The following PSMC1 variants were observed in gnomAD, a reference collection of about 807,000 sequenced individuals.
PSMC1 encodes 26S proteasome regulatory subunit 4.
A neutral mutation model predicts 49.8 loss-of-function variants in PSMC1; 5 were observed. The ratio of observed to expected loss-of-function variants is 0.10; its 90% confidence interval spans 0.05 to 0.21. The LOEUF (loss-of-function observed/expected upper bound fraction) is 0.21, where lower values mean the gene tolerates loss of function less well. PSMC1 is among the 10% of genes least tolerant of loss of function. PSMC1 has a pLI of 1.00. For synonymous variants in PSMC1, 155 were observed against 192.1 expected (o/e 0.81, Z 1.60); for missense variants, 181 against 535.7 (o/e 0.34, Z 6.54).
At chr14:90,269,888 G>T (rs1381183286) in intron 9 of PSMC1, 2 of 376,042 alleles carry the variant, frequency 5.3e-6, no homozygotes, top group African/African-American at 4.1e-5. Context: ...AGAAGAAACA[G>T]TGATTTGTTT....
intron 7 of PSMC1, among the ~76,000 whole-genome samples, chr14:90,267,162 C>CTCTG (rs1427197810): frequency 1.3e-5 from 2 of 150,028 alleles, no homozygotes; most frequent in Non-Finnish European, 3.0e-5. Flanking sequence ...CGGAGTCTTG[C>CTCTG]TCTGTCGCCC....
Position 90,272,381 on chromosome 14 carries a change from G to A in PSMC1, c.1297G>A (p.Gly433Ser). 2 of 1,577,920 alleles carry A rather than the reference G, an allele frequency of 1.3e-6. No individual in the cohort carries two copies. The highest frequency in any genetic ancestry group is 1.7e-6 in the Non-Finnish European group (2 of 1,160,656). Residue 433 changes from glycine to serine, a missense_variant, in exon 11 of 11, where the codon GGC becomes AGC. Gly to Ser is a moderately conservative substitution (Grantham distance 56). Transcript: ENST00000261303. The surrounding 1 kb of genome is among the most constrained non-coding windows in gnomAD (Gnocchi z 4.5). ...KENVLYKKQE[G>S]TPEGLYL ...AAATGTTCTTTATAAGAAACAGGAAGGCACCCCTGAGGGGCTGTATCTCTA... is the reference window on the plus strand; with the variant it reads ...AAATGTTCTTTATAAGAAACAGGAAAGCACCCCTGAGGGGCTGTATCTCTA...
rs1040003939 is a variant in PSMC1 at position 90,273,447 on chromosome 14, A to T, written c.*1040A>T. ...GTGGCAGGTGCCTGTAGTCCCAGCT[A>T]CTCAGGAGGCTGAGGCAGGACAATC... On this transcript the variant is annotated 3_prime_UTR_variant, in exon 11 of 11. Transcript: ENST00000261303. The T allele has an allele frequency of 6.6e-6, 1 of 152,198 alleles. No homozygotes were observed. Among genetic ancestry groups the T allele is most frequent in the Non-Finnish European group, 1.5e-5 (1 of 68,080 alleles). 9.4% of individuals were successfully genotyped at this position (152,198 alleles called of 1,614,324 possible). A position where few individuals can be genotyped will look rare whatever the true frequency, so the allele number is the denominator to read the frequency against.
At position 90,274,840 on chromosome 14, in the gene PSMC1, C is replaced by CACACACA. The variant is rs1891768392; in HGVS notation, c.*2433_*2434insACACACA. On this transcript the variant is annotated 3_prime_UTR_variant, in exon 11 of 11. Coordinates refer to ENST00000261303, the MANE Select transcript of PSMC1 (RefSeq NM_002802.3). ...CACACACACACACACACACACACAC[C>CACACACA]CCAATACATATGAATTGATCTGAAA... 9.1e-6 allele frequency: 1 copy of CACACACA among 110,052 alleles called. No homozygotes were observed. Among genetic ancestry groups the CACACACA allele is most frequent in the African/African-American group, 3.5e-5 (1 of 28,574 alleles). The allele number at this position is 110,052 out of a possible 1,614,324, so 6.8% of individuals were successfully genotyped here.
intron 8 of PSMC1, 54 bp from the exon 9 acceptor site, chr14:90,269,343 C>T: frequency 3.3e-6 from 5 of 1,503,978 alleles, no homozygotes; most frequent in East Asian, 2.3e-5. Flanking sequence ...TGTAATTCCC[C>T]TTGAGCAGGC....
intron 7 of PSMC1, among the ~76,000 whole-genome samples, chr14:90,266,455 T>C (rs1413395549): frequency 6.6e-6 from 1 of 152,210 alleles, no homozygotes; most frequent in Non-Finnish European, 1.5e-5. Flanking sequence ...GGCCGAGAGC[T>C]AGAAGAGATC....
Position 90,273,921 on chromosome 14 carries a change from G to C in PSMC1, c.*1514G>C, listed in dbSNP as rs1405835571. The stretch of plus-strand genomic sequence containing the variant: ...GCCTTTTCTATTCTTATGGATCCTT[G>C]TGATTGCATTGGACCCATGCAGATG... On this transcript the variant is annotated 3_prime_UTR_variant, in exon 11 of 11. Coordinates refer to ENST00000261303, the MANE Select transcript of PSMC1 (RefSeq NM_002802.3). The C allele has an allele frequency of 6.5e-6, 1 of 154,862 alleles. No individual in the cohort carries two copies. Among genetic ancestry groups the C allele is most frequent in the Non-Finnish European group, 1.5e-5 (1 of 68,244 alleles). The allele number at this position is 154,862 out of a possible 1,614,324, so 9.6% of individuals were successfully genotyped here. A position where few individuals can be genotyped will look rare whatever the true frequency, so the allele number is the denominator to read the frequency against.
Position 90,272,018 on chromosome 14 carries a change from G to A in PSMC1, c.1189-255G>A, listed in dbSNP as rs571485718. ...AGCAATTCTCCTGCCTCAGCCTCCC[G>A]AGTAGCTAGGATTACAGGTGCCTGC... is the stretch of plus-strand genomic sequence containing the variant. On this transcript the variant is annotated intron_variant, in intron 10 of 10. Transcript: ENST00000261303. This position sits in a 1 kb window ranked among gnomAD's most constrained non-coding sequence, Gnocchi z 4.5. 1.8e-4 allele frequency: 51 copies of A among 288,432 alleles called. No individual in the cohort carries two copies. The highest frequency in any genetic ancestry group is 9.7e-4 in the African/African-American group (42 of 43,166). 17.9% of individuals were successfully genotyped at this position (288,432 alleles called of 1,614,324 possible). A position where few individuals can be genotyped will look rare whatever the true frequency, so the allele number is the denominator to read the frequency against.
At chr14:90,270,384 G>A in intron 10 of PSMC1, 32 bp downstream of exon 10, 1 of 1,598,940 alleles carries the variant, frequency 6.3e-7, no homozygotes, top group Non-Finnish European at 8.5e-7. Context: ...CTTATTTCTG[G>A]GAATGTGGCC....
At chr14:90,264,477 C>T (rs1018504920) in intron 6 of PSMC1, among the ~76,000 whole-genome samples, 1 of 152,212 alleles carries the variant, frequency 6.6e-6, no homozygotes, top group African/African-American at 2.4e-5. Context: ...ATCTGGAAGC[C>T]TCCAGTGCTT....
chr14:90,261,365 G>T (rs576601563), intron 3 of PSMC1, among the ~76,000 whole-genome samples: 2 of 152,314 alleles, frequency 1.3e-5, no homozygotes, highest in African/African-American at 4.8e-5. Flanking sequence ...ATATTGTTCA[G>T]TTAATTGAAG....
intron 9 of PSMC1, 156 bp from the exon 10 acceptor site, chr14:90,270,042 A>G: frequency 1.3e-6 from 1 of 751,230 alleles, no homozygotes; most frequent in East Asian, 2.8e-5. Context: ...TACAAACTAC[A>G]AAAATATATG....
chr14:90,258,136 A>G (rs74080695), intron 1 of PSMC1, among the ~76,000 whole-genome samples: 2,194 of 152,240 alleles, frequency 0.014, 53 homozygotes, highest in African/African-American at 0.05. Context: ...TCCTGGCTCC[A>G]TCTCTGACAA....
intron 9 of PSMC1, chr14:90,269,766 G>T (rs1891614712): frequency 6.6e-6 from 3 of 454,930 alleles, no homozygotes. Context: ...CTTATGTCTT[G>T]TCTTTTCTTT....
Position 90,263,462 on chromosome 14 carries a change from T to A in PSMC1, c.279+20T>A, listed in dbSNP as rs1286619500. 6.4e-7 allele frequency: 1 copy of A among 1,556,722 alleles called. No homozygotes were observed. The highest frequency in any genetic ancestry group is 8.7e-7 in the Non-Finnish European group (1 of 1,154,024). ...CAAGAGGTAAGTTGAAAAGTTACTA[T>A]CATTTTCTTTTTTACAAATTGAATT... On this transcript the variant is annotated intron_variant, in intron 4 of 10. Transcript: ENST00000261303.
intron 1 of PSMC1, among the ~76,000 whole-genome samples, chr14:90,258,259 A>C (rs892117831): frequency 2.5e-4 from 38 of 152,342 alleles, no homozygotes; most frequent in African/African-American, 9.1e-4. Context: ...ATTAAGTGGG[A>C]TAATACTTGG....
chr14:90,269,316 C>A, intron 8 of PSMC1, 81 bp from the exon 9 acceptor site: 1 of 1,253,326 alleles, frequency 8.0e-7, no homozygotes, highest in Non-Finnish European at 1.1e-6. Context: ...GGTGTTTTGT[C>A]ACAATGAGGT....
intron 1 of PSMC1, among the ~76,000 whole-genome samples, chr14:90,258,460 A>G (rs1336387355): frequency 6.6e-6 from 1 of 152,204 alleles, no homozygotes; most frequent in Non-Finnish European, 1.5e-5. Context: ...ACTCATCTTT[A>G]TATTTGAAAT....
In PSMC1 at chr14:90,272,312, C is replaced by T; in HGVS notation, c.1228C>T (p.Arg410Cys). The T allele has an allele frequency of 6.2e-7, 1 of 1,602,868 alleles. No individual in the cohort carries two copies. ...AGCTGGTCTGATGGCCTTAAGAGAA[C>T]GTAGAATGAAAGTAACAAATGAAGA... ...TEAGLMALRERRMKVTNEDFK... is the reference protein window; with the variant it reads ...TEAGLMALRECRMKVTNEDFK... Residue 410 changes from arginine to cysteine, a missense_variant, in exon 11 of 11, where the codon CGT becomes TGT. Transcript: ENST00000261303. This position sits in a 1 kb window ranked among gnomAD's most constrained non-coding sequence, Gnocchi z 4.5.
Sources: allele counts gnomAD v4.1 joint callset (sites outside exome capture counted in the v4.1 genomes callset), GRCh38; gene constraint gnomAD v4.1.1; non-coding constraint Gnocchi (gnomAD v3.1); transcripts MANE v1.5; gene names NCBI Gene and HGNC (gene_info 2026-07-23, HGNC 2026-07-21).